The following NYAP2 variants were observed in gnomAD, a reference collection of about 807,000 sequenced individuals.
NYAP2 encodes neuronal tyrosine-phosphorylated phosphoinositide-3-kinase adapter 2.
Under a neutral mutation model 50.4 loss-of-function variants are expected in NYAP2, and 23 were observed. The observed-to-expected ratio is 0.46, with a 90% CI of 0.33 to 0.65. NYAP2 has a LOEUF of 0.65. NYAP2 is among the 30% of genes least tolerant of loss of function. NYAP2 has a pLI of 0.02. For synonymous variants in NYAP2, 394 were observed against 365.2 expected (o/e 1.08, Z -0.90); for missense variants, 885 against 861.0 (o/e 1.03, Z -0.35).
downstream of NYAP2, among the ~76,000 whole-genome samples, chr2:225,654,477 G>A (rs1693792833): frequency 2.0e-5 from 3 of 152,098 alleles, no homozygotes; most frequent in Admixed American, 2.0e-4. Flanking sequence ...GACTTTAGGA[G>A]TTTGAGACCA....
At chr2:225,512,819 T>TTCTTTC (rs762962531) in intron 3 of NYAP2, among the ~76,000 whole-genome samples, 4 of 71,400 alleles carry the variant, frequency 5.6e-5, no homozygotes, top group Non-Finnish European at 1.0e-4. Context: ...TTTTCTTTCT[T>TTCTTTC]TCTCTCTCTC....
rs1695122658 is a variant in NYAP2, at chr2:225,416,377, C to G, written c.221+7276C>G. ...CTGATTCTAAATGAATTAACTTATG[C>G]TAGGTGCTCTATATATTTTTTTCAA... On this transcript the variant is annotated intron_variant, in intron 3 of 6. Transcript: ENST00000636099. 2.6e-5 allele frequency among the ~76,000 whole-genome samples: 4 copies of G among 152,148 alleles called. No homozygotes were observed. In the South Asian group the frequency reaches 8.3e-4, roughly 32 times the overall value.
exon 2 of NYAP2, chr2:225,400,755 C>T (rs1694846033): frequency 6.6e-6 from 1 of 152,330 alleles, no homozygotes; most frequent in South Asian, 2.1e-4. Flanking sequence ...AAGCACCTGT[C>T]TTCCGCCACT....
Position 225,646,587 on chromosome 2 carries a change from G to C in NYAP2, c.1829-4845G>C, listed in dbSNP as rs114754934. Among the ~76,000 whole-genome samples, 891 of 152,256 alleles carry C rather than the reference G, an allele frequency of 5.9e-3. 12 individuals are homozygous for C. The highest frequency in any genetic ancestry group is 0.02 in the African/African-American group (850 of 41,554). On this transcript the variant is annotated intron_variant, in intron 6 of 6. Transcript: ENST00000636099. ...TCCTGCCATGTGATACCATTAAGCA[G>C]CAGTGTTATGGACTGTATGTGTGTG... is the stretch of plus-strand genomic sequence containing the variant.
intron 3 of NYAP2, among the ~76,000 whole-genome samples, chr2:225,445,233 G>T (rs2106143633): frequency 6.6e-6 from 1 of 152,092 alleles, no homozygotes; most frequent in South Asian, 2.1e-4. Context: ...CCTAAAGTAT[G>T]TAAAAATTTT....
chr2:225,627,139 A>T lies in NYAP2; in HGVS notation c.1828+13A>T. The T allele has an allele frequency of 6.4e-7, 1 of 1,559,532 alleles. No individual in the cohort carries two copies. The highest frequency in any genetic ancestry group is 8.7e-7 in the Non-Finnish European group (1 of 1,148,122). On this transcript the variant is annotated intron_variant, in intron 6 of 6. Transcript: ENST00000636099. ...AACCACAGTTCAGGTAAGGCAGATT[A>T]TGATCTTCCAGAAGGTAATTCCTCC...
chr2:225,620,439 GCACGCACA>G (rs1178113644), intron 5 of NYAP2, among the ~76,000 whole-genome samples: 3 of 31,026 alleles, frequency 9.7e-5, no homozygotes, highest in Admixed American at 9.1e-4. Context: ...ACGCACACAC[GCACGCACA>G]CGCACGCACA....
intron 3 of NYAP2, among the ~76,000 whole-genome samples, chr2:225,448,372 A>T (rs1295039122): frequency 6.6e-6 from 1 of 152,150 alleles, no homozygotes; most frequent in East Asian, 1.9e-4. Flanking sequence ...AACAGAGGAG[A>T]TTTATTTAAA....
chr2:225,654,656 C>T (rs1693796334), downstream of NYAP2, among the ~76,000 whole-genome samples: 1 of 152,034 alleles, frequency 6.6e-6, no homozygotes, highest in South Asian at 2.1e-4. Context: ...TGCATTCCAC[C>T]CTGGGCAACA....
chr2:225,671,167 G>A, the NYAP2 span, among the ~76,000 whole-genome samples: 2 of 152,042 alleles, frequency 1.3e-5, no homozygotes, highest in Admixed American at 6.6e-5. Context: ...AGAATGCAAT[G>A]CTGTTTTTTT....
downstream of NYAP2, among the ~76,000 whole-genome samples, chr2:225,657,193 C>T (rs1271391602): frequency 4.0e-5 from 6 of 148,960 alleles, no homozygotes; most frequent in African/African-American, 5.0e-5. Context: ...TTATTGCAAC[C>T]TCCACCTCCA....
chr2:225,654,148 G>C (rs974636045), downstream of NYAP2: 2 of 152,134 alleles, frequency 1.3e-5, no homozygotes, highest in Admixed American at 6.6e-5. Flanking sequence ...ACTGCCCTGT[G>C]CTCAGGCATG....
intron 5 of NYAP2, among the ~76,000 whole-genome samples, chr2:225,590,618 T>C (rs763471959): frequency 9.9e-5 from 15 of 152,192 alleles, no homozygotes; most frequent in Non-Finnish European, 2.1e-4. Flanking sequence ...TTCAAGAAAC[T>C]ATTGCTTTCA....
intron 5 of NYAP2, among the ~76,000 whole-genome samples, chr2:225,591,172 ACT>A (rs149372426): frequency 0.012 from 1,803 of 152,176 alleles, 31 homozygotes; most frequent in African/African-American, 0.04. Flanking sequence ...CTCAGAGGAC[ACT>A]CTCTAGTCAG....
intron 3 of NYAP2, among the ~76,000 whole-genome samples, chr2:225,410,415 C>T (rs1695018417): frequency 6.6e-6 from 1 of 151,526 alleles, no homozygotes; most frequent in Non-Finnish European, 1.5e-5. Flanking sequence ...GTATAAATGC[C>T]TTCTTAGGAC....
chr2:225,616,591 A>G (rs556996540), intron 5 of NYAP2, among the ~76,000 whole-genome samples: 147 of 152,272 alleles, frequency 9.7e-4, no homozygotes, highest in Non-Finnish European at 1.8e-3. Flanking sequence ...AGTACCAACA[A>G]CTAACCAATG....
intron 3 of NYAP2, among the ~76,000 whole-genome samples, chr2:225,411,458 C>T (rs905373578): frequency 1.3e-5 from 2 of 152,060 alleles, no homozygotes; most frequent in African/African-American, 4.8e-5. Flanking sequence ...TTTATGAAGC[C>T]TTTTAAATGT....
intron 3 of NYAP2, among the ~76,000 whole-genome samples, chr2:225,508,594 C>A (rs553976445): frequency 2.0e-5 from 3 of 152,092 alleles, no homozygotes; most frequent in African/African-American, 7.2e-5. Flanking sequence ...GATCACAATG[C>A]AGGTCTAGCA....
chr2:225,659,334 T>G, the NYAP2 span, among the ~76,000 whole-genome samples: 1 of 152,140 alleles, frequency 6.6e-6, no homozygotes, highest in Non-Finnish European at 1.5e-5. Flanking sequence ...GGTTCTTAGG[T>G]GAAGTTTGCA....
Sources: allele counts gnomAD v4.1 joint callset (sites outside exome capture counted in the v4.1 genomes callset), GRCh38; gene constraint gnomAD v4.1.1; transcripts MANE v1.5; gene names NCBI Gene and HGNC (gene_info 2026-07-23, HGNC 2026-07-21).